The following GRIP1 variants were observed in gnomAD, a reference collection of about 807,000 sequenced individuals.
GRIP1 encodes the protein glutamate receptor-interacting protein 1.
A neutral mutation model predicts 129.9 loss-of-function variants in GRIP1; 45 were observed. That is an observed-to-expected ratio of 0.35 (90% CI 0.27 to 0.44). The LOEUF (loss-of-function observed/expected upper bound fraction) is 0.44, where lower values mean the gene tolerates loss of function less well. Ranked by LOEUF, GRIP1 falls within the 20% of genes least tolerant of loss-of-function variation. The pLI is 1.00. For synonymous variants in GRIP1, 530 were observed against 520.8 expected, an observed-to-expected ratio of 1.02 and a Z score of -0.24; for missense variants, 1,196 against 1,396.8, an observed-to-expected ratio of 0.86 and a Z score of 2.29.
intron 7 of GRIP1, among the ~76,000 whole-genome samples, chr12:66,472,460 T>C: frequency 6.6e-6 from 1 of 152,216 alleles, no homozygotes. Flanking sequence ...AACTCCTCTC[T>C]TCCTGCCCAA....
intron 1 of GRIP1, among the ~76,000 whole-genome samples, chr12:66,778,234 T>C (rs1053961751): frequency 2.0e-5 from 3 of 152,220 alleles, no homozygotes; most frequent in Admixed American, 2.0e-4. Flanking sequence ...TATATTTCTA[T>C]TGAACAATAA....
chr12:66,456,250 G>A lies in GRIP1; in HGVS notation c.1135C>T (p.His379Tyr). 1.6e-6 allele frequency: 2 copies of A among 1,289,334 alleles called. No individual in the cohort carries two copies. Among genetic ancestry groups the A allele is most frequent in the Non-Finnish European group, 2.0e-6 (2 of 988,186 alleles). The allele number at this position is 1,289,334 out of a possible 1,614,324, so 79.9% of individuals were successfully genotyped here. Reference protein sequence around the residue: ...LHTNHHYNTYHPDHCRVPALT... With the variant: ...LHTNHHYNTYYPDHCRVPALT... ...GCTGGTACTCTGCAATGGTCAGGGT[G>A]GTACGTGTTATAGTGATGGTTGGTG... The change falls in exon 10 of 25, where the codon CAC (histidine) becomes TAC (tyrosine). Residue 379 changes from histidine to tyrosine, a missense_variant. This residue lies in a region of GRIP1 where 508 missense variants were observed against 587.0 expected (regional missense o/e 0.87). Coordinates refer to ENST00000359742, the MANE Select transcript of GRIP1 (RefSeq NM_001366722.1).
chr12:66,645,851 G>A (rs554966076), intron 1 of GRIP1, among the ~76,000 whole-genome samples: 1 of 152,128 alleles, frequency 6.6e-6, no homozygotes, highest in Non-Finnish European at 1.5e-5. Flanking sequence ...TCTGATCCAG[G>A]TTAACCTTTG....
intron 1 of GRIP1, among the ~76,000 whole-genome samples, chr12:66,822,896 A>G (rs2039345743): frequency 6.6e-6 from 1 of 152,212 alleles, no homozygotes; most frequent in African/African-American, 2.4e-5. Flanking sequence ...TACCTGGCTG[A>G]TGAGATCAAT....
chr12:66,449,166 T>A (rs1396770057), intron 11 of GRIP1, among the ~76,000 whole-genome samples: 2 of 152,232 alleles, frequency 1.3e-5, no homozygotes, highest in Non-Finnish European at 2.9e-5. Flanking sequence ...GGTCTCTATA[T>A]GCCTGTTTCT....
chr12:66,734,704 CAG>C (rs2036541680), intron 1 of GRIP1, among the ~76,000 whole-genome samples: 1 of 152,082 alleles, frequency 6.6e-6, no homozygotes, highest in Non-Finnish European at 1.5e-5. Context: ...ACTTCAGAAA[CAG>C]ATAACTTCCC....
intron 2 of GRIP1, among the ~76,000 whole-genome samples, chr12:66,586,538 G>A (rs557881117): frequency 3.1e-4 from 47 of 151,988 alleles, no homozygotes; most frequent in Non-Finnish European, 6.3e-4. Context: ...TTGACAAACT[G>A]AGAGCTTCAA....
chr12:66,776,677 G>A (rs1378236730), intron 1 of GRIP1, among the ~76,000 whole-genome samples: 2 of 152,208 alleles, frequency 1.3e-5, no homozygotes, highest in Non-Finnish European at 2.9e-5. Context: ...GCCCAGAGAA[G>A]AGGAAGAGCG....
chr12:66,453,807 C>A (rs1042267784), intron 11 of GRIP1, among the ~76,000 whole-genome samples: 4 of 152,186 alleles, frequency 2.6e-5, no homozygotes, highest in African/African-American at 9.6e-5. Context: ...CAGGGTCCTA[C>A]AGCTAGAAGG....
At chr12:66,667,728 A>T (rs1212777706) in intron 1 of GRIP1, among the ~76,000 whole-genome samples, 1 of 152,214 alleles carries the variant, frequency 6.6e-6, no homozygotes, top group Admixed American at 6.5e-5. Context: ...CTACAGATCC[A>T]TGAATTTCTT....
chr12:67,050,584 GA>G (rs1241362098), intron 1 of GRIP1, among the ~76,000 whole-genome samples: 1 of 148,756 alleles, frequency 6.7e-6, no homozygotes, highest in Non-Finnish European at 1.5e-5. Flanking sequence ...AAAACATCAA[GA>G]AAGTTCAAAA....
chr12:66,572,768 A>G (rs546261874), intron 2 of GRIP1, among the ~76,000 whole-genome samples: 29 of 152,282 alleles, frequency 1.9e-4, no homozygotes, highest in African/African-American at 6.7e-4. Flanking sequence ...TCCTCCCAGA[A>G]AGCCATCTAT....
intron 15 of GRIP1, among the ~76,000 whole-genome samples, chr12:66,415,583 G>A (rs868610773): frequency 1.3e-5 from 2 of 152,166 alleles, no homozygotes; most frequent in Middle Eastern, 6.8e-3. Context: ...TATACCCAAA[G>A]GAATGTAAAT....
At chr12:66,397,110 CAAAAAAAAAAAA>C (rs71436004) in intron 16 of GRIP1, among the ~76,000 whole-genome samples, 5 of 60,216 alleles carry the variant, frequency 8.3e-5, no homozygotes, top group South Asian at 1.1e-3. Flanking sequence ...GACTCTGTCT[CAAAAAAAAAAAA>C]AAAAAAAAAA....
chr12:66,685,242 T>C (rs1026695734), intron 1 of GRIP1, among the ~76,000 whole-genome samples: 1 of 152,158 alleles, frequency 6.6e-6, no homozygotes, highest in Admixed American at 6.6e-5. Flanking sequence ...CTTGCTTTTA[T>C]TTGTATGAAT....
intron 1 of GRIP1, among the ~76,000 whole-genome samples, chr12:66,692,648 G>A (rs1458542270): frequency 6.6e-6 from 1 of 152,196 alleles, no homozygotes; most frequent in Non-Finnish European, 1.5e-5. Context: ...TTGGTCAGAA[G>A]TGCCACATTG....
intron 1 of GRIP1, among the ~76,000 whole-genome samples, chr12:66,782,190 T>C (rs1253162368): frequency 1.3e-5 from 2 of 152,186 alleles, no homozygotes; most frequent in South Asian, 2.1e-4. Context: ...GCACTTTTTA[T>C]ATAAATGTTA....
At chr12:66,594,537 T>C (rs11176302) in intron 2 of GRIP1, among the ~76,000 whole-genome samples, 10,868 of 152,214 alleles carry the variant, frequency 0.071, 478 homozygotes, top group East Asian at 0.12. Context: ...TAGTGTATTT[T>C]ATGTGTGGCC....
intron 15 of GRIP1, among the ~76,000 whole-genome samples, chr12:66,411,700 G>C (rs2057409341): frequency 1.3e-5 from 2 of 152,186 alleles, no homozygotes; most frequent in Admixed American, 6.5e-5. Context: ...AAAGGAGCAT[G>C]TTCTAACCCA....
Sources: gnomAD v4.1 joint callset for allele counts (sites outside exome capture counted in the v4.1 genomes callset) on GRCh38, gnomAD v4.1.1 for gene constraint, gnomAD v4.1.1 regional missense constraint, MANE v1.5 for transcripts, NCBI Gene and HGNC (gene_info 2026-07-23, HGNC 2026-07-21) for gene names.